The following NLRP14 variants were observed in gnomAD, a reference collection of about 807,000 sequenced individuals.
NLRP14 encodes the protein NLR family pyrin domain containing 14.
In NLRP14, 105 loss-of-function variants were observed where a neutral mutation model predicts 94.7. The observed-to-expected ratio is 1.11, with a 90% CI of 0.95 to 1.30. NLRP14 has a LOEUF of 1.30. Ranked by LOEUF, NLRP14 falls within the 50% of genes most tolerant of loss-of-function variation. The probability of loss-of-function intolerance (pLI) is 0.00; values close to 1 mark genes in which losing one functional copy is unlikely to be tolerated. For missense variants in NLRP14, 1,362 were observed against 1,254.1 expected, an observed-to-expected ratio of 1.09 and a Z score of -1.30; for synonymous variants, 508 against 459.9, an observed-to-expected ratio of 1.10 and a Z score of -1.34.
At chr11:7,075,746 A>G (rs1378789121), downstream of NLRP14, among the ~76,000 whole-genome samples, 1 of 152,264 alleles carries the variant, frequency 6.6e-6, no homozygotes. Context: ...GGCAACCTGC[A>G]GAATTAATGA....
intron 1 of NLRP14, among the ~76,000 whole-genome samples, chr11:7,031,280 G>A (rs1030613434): frequency 6.6e-6 from 1 of 152,190 alleles, no homozygotes; most frequent in African/African-American, 2.4e-5. Flanking sequence ...TCTAAAATGG[G>A]AAGTTGGGTT....
intron 4 of NLRP14, among the ~76,000 whole-genome samples, chr11:7,045,937 G>A (rs1852341750): frequency 2.0e-5 from 3 of 152,052 alleles, no homozygotes; most frequent in Admixed American, 2.0e-4. Context: ...AAATTTTCCA[G>A]AATAACTAAG....
At chr11:7,069,967 A>G (rs1486945696) in intron 10 of NLRP14, among the ~76,000 whole-genome samples, 1 of 152,082 alleles carries the variant, frequency 6.6e-6, no homozygotes, top group Non-Finnish European at 1.5e-5. Flanking sequence ...AGCTTCCAAT[A>G]TCTAGTTATA....
chr11:7,072,939 T>G (rs1434119416), downstream of NLRP14, among the ~76,000 whole-genome samples: 1 of 152,180 alleles, frequency 6.6e-6, no homozygotes, highest in African/African-American at 2.4e-5. Context: ...CCTTGTCCTG[T>G]TCATTATCTC....
intron 1 of NLRP14, among the ~76,000 whole-genome samples, chr11:7,031,271 C>T (rs1296971313): frequency 2.6e-5 from 4 of 152,196 alleles, no homozygotes; most frequent in African/African-American, 9.6e-5. Flanking sequence ...TTTGTCCACT[C>T]TAAAATGGGA....
At chr11:7,050,443 G>A (rs1027679753) in intron 6 of NLRP14, among the ~76,000 whole-genome samples, 41 of 146,622 alleles carry the variant, frequency 2.8e-4, no homozygotes, top group African/African-American at 9.6e-4. Flanking sequence ...TCCACATTGT[G>A]TGACAGGTTT....
the NLRP14 span, among the ~76,000 whole-genome samples, chr11:7,078,211 G>T: frequency 2.0e-5 from 3 of 150,436 alleles, no homozygotes; most frequent in Admixed American, 6.6e-5. Context: ...GGCCAAGACG[G>T]GTGGATCACG....
In NLRP14 at chr11:7,062,959, A is replaced by T. The variant is rs145205263; in HGVS notation, c.2975+456A>T. ...TAGATTTTTATTTAATTTTGAACTGATATTGGCTAGTACATTTTCACTTAT... is the reference window on the plus strand; with the variant it reads ...TAGATTTTTATTTAATTTTGAACTGTTATTGGCTAGTACATTTTCACTTAT... On this transcript the variant is annotated intron_variant, in intron 10 of 11. Transcript: ENST00000299481. 2.2e-3 allele frequency among the ~76,000 whole-genome samples: 333 copies of T among 152,206 alleles called. 1 individual carries two copies. Among genetic ancestry groups the T allele is most frequent in the Non-Finnish European group, 4.2e-3 (285 of 67,996 alleles).
At chr11:7,065,560 CTG>C (rs1296110978) in intron 10 of NLRP14, among the ~76,000 whole-genome samples, 2 of 151,890 alleles carry the variant, frequency 1.3e-5, no homozygotes, top group South Asian at 2.1e-4. Flanking sequence ...GCCTTAGTAA[CTG>C]TTAATATATG....
At chr11:7,062,654 G>T (rs925214374) in intron 10 of NLRP14, 151 bp downstream of exon 10, 103 of 741,758 alleles carry the variant, frequency 1.4e-4, no homozygotes, top group Non-Finnish European at 2.0e-4. Flanking sequence ...CAAATAAATG[G>T]ATCAATGTAC....
chr11:7,031,094 G>T (rs1026833577), intron 1 of NLRP14, among the ~76,000 whole-genome samples: 2 of 152,186 alleles, frequency 1.3e-5, no homozygotes, highest in African/African-American at 2.4e-5. Flanking sequence ...GAGGAGGAAG[G>T]TGAGGCATTA....
downstream of NLRP14, among the ~76,000 whole-genome samples, chr11:7,072,367 G>T (rs566980246): frequency 6.6e-6 from 1 of 152,228 alleles, no homozygotes; most frequent in Non-Finnish European, 1.5e-5. Flanking sequence ...CAGCAATTTT[G>T]ATCCTTGCCC....
chr11:7,057,069 CA>C lies in NLRP14; in HGVS notation c.2292-605del, dbSNP rs1171002683. Among the ~76,000 whole-genome samples, 45 of 151,998 alleles carry C rather than the reference CA, an allele frequency of 3.0e-4. 2 individuals are homozygous for C. The highest frequency in any genetic ancestry group is 1.1e-3 in the African/African-American group (45 of 41,412). ...GCTGCTGCTGCTGCCTGACTCATTA[CA>C]AAGGGTTAGTATTACTCCCCAACAT... is the stretch of plus-strand genomic sequence containing the variant. On this transcript the variant is annotated intron_variant, in intron 6 of 11. Coordinates refer to ENST00000299481, the MANE Select transcript of NLRP14 (RefSeq NM_176822.4).
chr11:7,046,107 C>T (rs1852344689), intron 4 of NLRP14, among the ~76,000 whole-genome samples: 1 of 152,074 alleles, frequency 6.6e-6, no homozygotes, highest in Non-Finnish European at 1.5e-5. Context: ...TTACAGTGTG[C>T]TTTTGTGTAC....
At chr11:7,066,315 A>T (rs188557976) in intron 10 of NLRP14, among the ~76,000 whole-genome samples, 1 of 152,086 alleles carries the variant, frequency 6.6e-6, no homozygotes, top group African/African-American at 2.4e-5. Flanking sequence ...ACAAATTTAC[A>T]CTCTCACCAA....
intron 1 of NLRP14, among the ~76,000 whole-genome samples, chr11:7,033,534 A>ATTCCTGAATATTACATTTT (rs1852124133): frequency 6.6e-6 from 1 of 151,956 alleles, no homozygotes; most frequent in Admixed American, 6.5e-5. Context: ...TATTACATTT[A>ATTCCTGAATATTACATTTT]CATTTATTAT....
At chr11:7,023,167 A>T (rs966240118) in intron 1 of NLRP14, among the ~76,000 whole-genome samples, 4 of 151,614 alleles carry the variant, frequency 2.6e-5, no homozygotes, top group Non-Finnish European at 4.4e-5. Flanking sequence ...AGCAGATCAG[A>T]TCCACCAGAG....
At chr11:7,079,971 G>C in the NLRP14 span, among the ~76,000 whole-genome samples, 1 of 152,174 alleles carries the variant, frequency 6.6e-6, no homozygotes, top group African/African-American at 2.4e-5. Context: ...TGACAGCATG[G>C]GTAGCAGATG....
Position 7,049,734 on chromosome 11 carries a change from G to A in NLRP14, c.2187G>A (p.Lys729=), listed in dbSNP as rs1852414520. The change falls in exon 6 of 12, where the codon AAG becomes AAA. Residue 729 remains lysine (K), a synonymous_variant. Transcript: ENST00000299481. ...TCTCTACTTCTTTGATTCATAACAA[G>A]AATCTGATGCATCTTGACCTAAAAG... ...QDISTSLIHN[K]NLMHLDLKGS... 1.2e-6 allele frequency: 2 copies of A among 1,611,694 alleles called. No individual in the cohort carries two copies. The highest frequency in any genetic ancestry group is 1.7e-6 in the Non-Finnish European group (2 of 1,178,002).
Sources: allele counts gnomAD v4.1 joint callset (sites outside exome capture counted in the v4.1 genomes callset), GRCh38; gene constraint gnomAD v4.1.1; transcripts MANE v1.5; gene names NCBI Gene and HGNC (gene_info 2026-07-23, HGNC 2026-07-21).